Variants in UBXN7 observed in about 807,000 individuals in gnomAD.
The protein encoded by UBXN7 is UBX domain-containing protein 7.
Under a neutral mutation model 58.0 loss-of-function variants are expected in UBXN7, and 9 were observed. The observed-to-expected ratio is 0.16, with a 90% CI of 0.09 to 0.27. The LOEUF (loss-of-function observed/expected upper bound fraction) is 0.27. UBXN7 is among the 10% of genes least tolerant of loss of function. UBXN7 has a pLI of 1.00. For missense variants in UBXN7, 328 were observed against 599.6 expected (o/e 0.55, Z 4.73); for synonymous variants, 208 against 205.0 (o/e 1.01, Z -0.12).
intron 10 of UBXN7, among the ~76,000 whole-genome samples, chr3:196,358,633 T>C (rs183366072): frequency 2.0e-4 from 31 of 152,134 alleles, no homozygotes; most frequent in African/African-American, 7.5e-4. Context: ...CCCAGCTACC[T>C]GGGAGGTTGA....
chr3:196,417,448 T>C (rs1046177212), intron 1 of UBXN7, among the ~76,000 whole-genome samples: 2 of 152,140 alleles, frequency 1.3e-5, no homozygotes, highest in Non-Finnish European at 2.9e-5. Flanking sequence ...ACAGAAGATA[T>C]GATTTAATAA....
chr3:196,370,496 G>A (rs1020781622), intron 6 of UBXN7, among the ~76,000 whole-genome samples: 4 of 150,930 alleles, frequency 2.7e-5, no homozygotes, highest in African/African-American at 9.7e-5. Context: ...AAGAAAGAAA[G>A]AAAAAAAGAT....
chr3:196,412,954 T>C (rs1730377785), intron 1 of UBXN7, among the ~76,000 whole-genome samples: 3 of 152,082 alleles, frequency 2.0e-5, no homozygotes, highest in Admixed American at 6.6e-5. Context: ...GGTATAGAGT[T>C]TCAGTTTTAC....
chr3:196,432,196 C>T (rs1731089343), intron 1 of UBXN7, 131 bp downstream of exon 1: 3 of 1,328,380 alleles, frequency 2.3e-6, no homozygotes, highest in Non-Finnish European at 3.2e-6. Flanking sequence ...GTCGCCTCTT[C>T]CTCAGGAGGG....
In UBXN7 at chr3:196,354,235, T is replaced by G. The variant is rs1363834179; in HGVS notation, c.*2450A>C. The stretch of plus-strand genomic sequence containing the variant: ...AGCTGAGTGAAAGTACCATGCTGTC[T>G]TTTAAATCACTTTATATCTACTTAA... On this transcript the variant is annotated 3_prime_UTR_variant, in exon 11 of 11. Transcript: ENST00000296328. 6.6e-6 allele frequency: 1 copy of G among 152,228 alleles called. No individual in the cohort carries two copies. Among genetic ancestry groups the G allele is most frequent in the Admixed American group, 6.5e-5 (1 of 15,280 alleles). 9.4% of individuals were successfully genotyped at this position (152,228 alleles called of 1,614,324 possible). A position where few individuals can be genotyped will look rare whatever the true frequency, so the allele number is the denominator to read the frequency against.
At chr3:196,402,417 T>C (rs560404055) in intron 3 of UBXN7, among the ~76,000 whole-genome samples, 4 of 152,344 alleles carry the variant, frequency 2.6e-5, no homozygotes, top group South Asian at 2.1e-4. Flanking sequence ...TATTTTTTTC[T>C]ATATAAACTC....
At chr3:196,372,515 T>C (rs965863597) in intron 5 of UBXN7, among the ~76,000 whole-genome samples, 4 of 151,930 alleles carry the variant, frequency 2.6e-5, no homozygotes, top group Non-Finnish European at 4.4e-5. Flanking sequence ...CTGATTTTTG[T>C]ATTTTTAGTA....
Position 196,371,916 on chromosome 3 carries a change from C to A in UBXN7, c.595G>T (p.Glu199Ter). The change falls in exon 6 of 11, where the codon GAA becomes TAA. Residue 199 changes from glutamate to a stop codon, truncating the protein, a stop_gained. Transcript: ENST00000296328. LOFTEE classifies it high-confidence loss of function. ...CTCACCTGCCAGAAAATGAAATGTT[C>A]CCGGATAATATTCTTCACAGCTTCG... ...SNEAVKNIIR[E>*]HFIFWQVYHD... The A allele has an allele frequency of 6.2e-7, 1 of 1,612,064 alleles. No homozygotes were observed. Among genetic ancestry groups the A allele is most frequent in the South Asian group, 1.1e-5 (1 of 90,496 alleles).
At chr3:196,429,468 ATTTATT>A (rs1005523337) in intron 1 of UBXN7, among the ~76,000 whole-genome samples, 17 of 152,144 alleles carry the variant, frequency 1.1e-4, no homozygotes, top group Admixed American at 8.5e-4. Context: ...TAAGACTCAC[ATTTATT>A]TTTATTTTTT....
intron 2 of UBXN7, among the ~76,000 whole-genome samples, chr3:196,403,900 A>C (rs1158721902): frequency 6.6e-6 from 1 of 152,172 alleles, no homozygotes; most frequent in Non-Finnish European, 1.5e-5. Flanking sequence ...CATCTCTTCC[A>C]ATAAGAAAAA....
chr3:196,370,459 TA>T (rs1232100228), intron 6 of UBXN7, among the ~76,000 whole-genome samples: 58 of 131,484 alleles, frequency 4.4e-4, no homozygotes, highest in Admixed American at 4.7e-4. Flanking sequence ...TCCATTTATT[TA>T]AAAAAAAAAA....
chr3:196,363,239 CATACATACATAAATAT>C lies in UBXN7; in HGVS notation c.835-568_835-553del, dbSNP rs1191212071. ...ACATACATACATACATACATACATA[CATACATACATAAATAT>C]ATATATACACATATTTTTTTTTCTT... On this transcript the variant is annotated intron_variant, in intron 8 of 10. Coordinates refer to ENST00000296328, the MANE Select transcript of UBXN7 (RefSeq NM_015562.2). Among the ~76,000 whole-genome samples, 1,083 of 134,426 alleles carry C rather than the reference CATACATACATAAATAT, an allele frequency of 8.1e-3. 17 individuals are homozygous for C. The highest frequency in any genetic ancestry group is 0.03 in the African/African-American group (1,026 of 33,666). 88.2% of individuals were successfully genotyped at this position (134,426 alleles called of 152,430 possible).
At chr3:196,392,118 T>C (rs953635458) in intron 4 of UBXN7, among the ~76,000 whole-genome samples, 193 bp from the exon 5 acceptor site, 1 of 151,588 alleles carries the variant, frequency 6.6e-6, no homozygotes, top group Non-Finnish European at 1.5e-5. Flanking sequence ...TAAGACTTGG[T>C]GGTATTCCCT....
chr3:196,358,403 C>G (rs939429100), intron 10 of UBXN7, among the ~76,000 whole-genome samples: 1 of 152,174 alleles, frequency 6.6e-6, no homozygotes, highest in South Asian at 2.1e-4. Context: ...ACATACCTTA[C>G]GTGGCTTACC....
chr3:196,428,552 T>C lies in UBXN7; in HGVS notation c.73+3775A>G, dbSNP rs527262322. Among the ~76,000 whole-genome samples, 10 of 151,930 alleles carry C rather than the reference T, an allele frequency of 6.6e-5. 1 individual carries two copies. Among genetic ancestry groups the C allele is most frequent in the African/African-American group, 2.4e-4 (10 of 41,448 alleles). On this transcript the variant is annotated intron_variant, in intron 1 of 10. Transcript: ENST00000296328. ...AAGAAGTGGAAGATAATATGTAAAA[T>C]AAATATTGCTGTTGTGAGAAGGAGA...
At chr3:196,381,506 G>A (rs975125995) in intron 5 of UBXN7, among the ~76,000 whole-genome samples, 4 of 152,178 alleles carry the variant, frequency 2.6e-5, no homozygotes, top group African/African-American at 9.7e-5. Context: ...AAGACCAAAG[G>A]TAGATAAAAC....
rs139632149 is a variant in UBXN7 at position 196,414,147 on chromosome 3, G to A, written c.74-6754C>T. Among the ~76,000 whole-genome samples, 136 of 152,156 alleles carry A rather than the reference G, an allele frequency of 8.9e-4. 1 individual carries two copies. In the Middle Eastern group the frequency reaches 0.01, roughly 11 times the overall value. ...TGTTCTGTTGCCACCACCATACCTG[G>A]CTAATTTTTGTATGTTTAGTAGAGA... On this transcript the variant is annotated intron_variant, in intron 1 of 10. Coordinates refer to ENST00000296328, the MANE Select transcript of UBXN7 (RefSeq NM_015562.2).
chr3:196,387,405 T>C (rs1009679270), intron 5 of UBXN7, among the ~76,000 whole-genome samples: 2 of 151,820 alleles, frequency 1.3e-5, no homozygotes, highest in South Asian at 2.1e-4. Flanking sequence ...AAAACACCAA[T>C]AGCAATGGCA....
At chr3:196,382,427 C>G (rs1291683597) in intron 5 of UBXN7, among the ~76,000 whole-genome samples, 1 of 152,116 alleles carries the variant, frequency 6.6e-6, no homozygotes, top group African/African-American at 2.4e-5. Flanking sequence ...ACTTTACAGA[C>G]AAGAAAATGC....
Sources: gnomAD v4.1 joint callset for allele counts (sites outside exome capture counted in the v4.1 genomes callset) on GRCh38, gnomAD v4.1.1 for gene constraint, MANE v1.5 for transcripts, NCBI Gene and HGNC (gene_info 2026-07-23, HGNC 2026-07-21) for gene names.